RC3H2: variants seen among roughly 807,000 people sequenced by gnomAD.
The protein encoded by RC3H2 is roquin-2.
A neutral mutation model predicts 133.3 loss-of-function variants in RC3H2; 31 were observed. The ratio of observed to expected loss-of-function variants is 0.23; its 90% CI spans 0.17 to 0.31. The LOEUF is 0.31. Among genes scored for constraint, RC3H2 ranks in the 10% least tolerant of loss-of-function variants. The probability of loss-of-function intolerance (pLI) is 1.00; values close to 1 mark genes in which losing one functional copy is unlikely to be tolerated. For synonymous variants in RC3H2, 517 were observed against 502.2 expected, an observed-to-expected ratio of 1.03 and a Z score of -0.40; for missense variants, 1,175 against 1,437.2, an observed-to-expected ratio of 0.82 and a Z score of 2.95.
chr9:122,858,551 C>A (rs1830335669), intron 12 of RC3H2, 118 bp downstream of exon 12: 3 of 773,868 alleles, frequency 3.9e-6, no homozygotes. Flanking sequence ...ATAGGGAGGT[C>A]AAGTAACTTC....
At chr9:122,871,852 T>C (rs904542911) in intron 9 of RC3H2, among the ~76,000 whole-genome samples, 3 of 152,156 alleles carry the variant, frequency 2.0e-5, no homozygotes, top group Non-Finnish European at 4.4e-5. Flanking sequence ...CAATACACTG[T>C]CTCATAACAT....
At chr9:122,878,836 T>C (rs1328035996) in intron 8 of RC3H2, among the ~76,000 whole-genome samples, 2 of 151,260 alleles carry the variant, frequency 1.3e-5, no homozygotes, top group African/African-American at 2.4e-5. Context: ...GTAGCCTCCA[T>C]CTCCCGGGTT....
At chr9:122,902,582 C>T (rs1017135792) in intron 1 of RC3H2, among the ~76,000 whole-genome samples, 3 of 151,590 alleles carry the variant, frequency 2.0e-5, no homozygotes, top group African/African-American at 2.4e-5. Context: ...TGGTGGCTCA[C>T]GCCTGTAATC....
intron 14 of RC3H2, 135 bp downstream of exon 14, chr9:122,855,597 C>T: frequency 9.5e-7 from 1 of 1,048,774 alleles, no homozygotes; most frequent in Non-Finnish European, 1.4e-6. Context: ...TTCAGACTTA[C>T]CTAAATATAA....
At chr9:122,879,392 TA>T (rs1314414456) in intron 8 of RC3H2, among the ~76,000 whole-genome samples, 18 of 143,308 alleles carry the variant, frequency 1.3e-4, no homozygotes, top group South Asian at 2.2e-4. Context: ...AGACTTTGTC[TA>T]AAAAAAAAAG....
chr9:122,899,716 T>C (rs1171532658), intron 1 of RC3H2, among the ~76,000 whole-genome samples: 1 of 152,186 alleles, frequency 6.6e-6, no homozygotes, highest in Admixed American at 6.5e-5. Context: ...GTTTGCAGAG[T>C]TATACAAGAA....
chr9:122,905,331 C>T lies in RC3H2; in HGVS notation c.-289G>A, dbSNP rs1267249477. The T allele has an allele frequency of 1.9e-5, 19 of 978,366 alleles. No homozygotes were observed. The highest frequency in any genetic ancestry group is 2.3e-5 in the Non-Finnish European group (19 of 823,338). 60.6% of individuals were successfully genotyped at this position (978,366 alleles called of 1,614,324 possible). Reference sequence around the variant, plus strand: ...ACCTCCGCCTCCTCCTCCTCCTCCTCCTCACCACGGAGGCGGACCTGGAGG... The same window carrying T: ...ACCTCCGCCTCCTCCTCCTCCTCCTTCTCACCACGGAGGCGGACCTGGAGG... On this transcript the variant is annotated 5_prime_UTR_variant, in exon 1 of 21. Transcript: ENST00000357244.
At chr9:122,885,945 T>C (rs1831892478) in intron 4 of RC3H2, among the ~76,000 whole-genome samples, 1 of 152,258 alleles carries the variant, frequency 6.6e-6, no homozygotes, top group African/African-American at 2.4e-5. Flanking sequence ...TGGAGTGCAG[T>C]GGCACGATCT....
chr9:122,889,260 T>C (rs1832062019), intron 4 of RC3H2, among the ~76,000 whole-genome samples: 1 of 152,156 alleles, frequency 6.6e-6, no homozygotes, highest in African/African-American at 2.4e-5. Flanking sequence ...TTTCTAGATT[T>C]TGAGTTAAAG....
At chr9:122,858,189 G>A in intron 12 of RC3H2, 96 bp from the exon 13 acceptor site, 3 of 1,169,106 alleles carry the variant, frequency 2.6e-6, no homozygotes, top group Non-Finnish European at 2.4e-6. Context: ...GATATTGTTG[G>A]GATAAAAAAA....
At chr9:122,904,231 G>T (rs1195376034) in intron 1 of RC3H2, among the ~76,000 whole-genome samples, 11 of 152,192 alleles carry the variant, frequency 7.2e-5, no homozygotes, top group Admixed American at 7.2e-4. Context: ...ATTAAAAAGG[G>T]AACCCAAGGG....
Position 122,847,925 on chromosome 9 carries a change from C to T in RC3H2, c.*1702G>A, listed in dbSNP as rs929662453. ...CTTTGTTTCTCAGGTATATTTACAA[C>T]TTATCAGTCACCTTATGAGCATGTT... is the stretch of plus-strand genomic sequence containing the variant. On this transcript the variant is annotated 3_prime_UTR_variant, in exon 21 of 21. Transcript: ENST00000357244. 2 of 152,112 alleles carry T rather than the reference C, an allele frequency of 1.3e-5. No individual in the cohort carries two copies. The highest frequency in any genetic ancestry group is 2.4e-5 in the African/African-American group (1 of 41,436). The allele number at this position is 152,112 out of a possible 1,614,324, so 9.4% of individuals were successfully genotyped here.
At chr9:122,898,978 C>T (rs1832540113) in intron 1 of RC3H2, among the ~76,000 whole-genome samples, 2 of 151,460 alleles carry the variant, frequency 1.3e-5, no homozygotes, top group African/African-American at 4.9e-5. Context: ...TATATTAGTT[C>T]CACAGAAATT....
intron 2 of RC3H2, among the ~76,000 whole-genome samples, chr9:122,894,270 A>C (rs1832324668): frequency 6.6e-6 from 1 of 152,026 alleles, no homozygotes; most frequent in African/African-American, 2.4e-5. Context: ...AAAAAAAAAA[A>C]AGTTCAATGC....
intron 4 of RC3H2, among the ~76,000 whole-genome samples, chr9:122,886,181 T>C (rs1314566535): frequency 2.0e-5 from 3 of 152,180 alleles, no homozygotes; most frequent in Admixed American, 6.5e-5. Flanking sequence ...TGAGCCACCG[T>C]GCCCAACCTA....
At position 122,866,369 on chromosome 9, in the gene RC3H2, C is replaced by CCCCCTT. The variant is rs1830657539; in HGVS notation, c.1326-713_1326-712insAAGGGG. 0.016 allele frequency among the ~76,000 whole-genome samples: 54 copies of CCCCCTT among 3,438 alleles called. 10 individuals carry two copies. In the South Asian group the frequency reaches 0.55, roughly 35 times the overall value. 2.3% of individuals were successfully genotyped at this position (3,438 alleles called of 152,430 possible). On this transcript the variant is annotated intron_variant, in intron 9 of 20. Transcript: ENST00000357244. ...TAAGAAAATGTCTCCCTCTCCCCCT[C>CCCCCTT]CCCCTCCCCCCTCCCTCTCCCCACG...
intron 13 of RC3H2, 141 bp downstream of exon 13, chr9:122,857,782 T>C (rs776044453): frequency 7.3e-5 from 48 of 656,098 alleles, no homozygotes; most frequent in Non-Finnish European, 1.1e-4. Flanking sequence ...TGCATTTATA[T>C]TCAGTGTTTA....
chr9:122,898,334 T>C (rs149908015), intron 1 of RC3H2, among the ~76,000 whole-genome samples: 27 of 152,208 alleles, frequency 1.8e-4, no homozygotes, highest in African/African-American at 6.3e-4. Context: ...CCAAAAACTG[T>C]AAAGTCCAAT....
rs1286117743 is a variant in RC3H2, at chr9:122,854,282, T to C, written c.2901-16A>G. On this transcript the variant is annotated splice_polypyrimidine_tract_variant and intron_variant, in intron 16 of 20. Transcript: ENST00000357244. The stretch of plus-strand genomic sequence containing the variant: ...GAATCTGTCCCTTTAAAGAGAAATA[T>C]GTTTATTGTAATAAAAGTGAAGTGA... The C allele has an allele frequency of 5.0e-6, 8 of 1,587,116 alleles. No individual in the cohort carries two copies. Among genetic ancestry groups the C allele is most frequent in the Non-Finnish European group, 6.9e-6 (8 of 1,159,350 alleles).
Sources: allele counts gnomAD v4.1 joint callset (sites outside exome capture counted in the v4.1 genomes callset), GRCh38; gene constraint gnomAD v4.1.1; transcripts MANE v1.5; gene names NCBI Gene and HGNC (gene_info 2026-07-23, HGNC 2026-07-21).